Variants in PLEKHM1 observed in about 807,000 individuals in gnomAD.
PLEKHM1 encodes the protein pleckstrin homology domain-containing family M member 1.
A neutral mutation model predicts 94.3 loss-of-function variants in PLEKHM1; 28 were observed. The observed-to-expected ratio is 0.30, with a 90% CI of 0.22 to 0.41. The LOEUF (loss-of-function observed/expected upper bound fraction) is 0.41, where lower values mean the gene tolerates loss of function less well. Ranked by LOEUF, PLEKHM1 falls within the 10% of genes least tolerant of loss-of-function variation. The pLI, the probability that PLEKHM1 is intolerant of heterozygous loss-of-function variation, is 1.00. For missense variants in PLEKHM1, 907 were observed against 1,358.6 expected (o/e 0.67, Z 5.22); for synonymous variants, 424 against 581.2 (o/e 0.73, Z 3.89).
At chr17:45,454,753 C>A (rs536128244) in intron 6 of PLEKHM1, 55 of 260,038 alleles carry the variant, frequency 2.1e-4, no homozygotes, top group African/African-American at 1.2e-3. Context: ...TTTAGAAACA[C>A]CTCTCGTCTC....
At chr17:45,454,511 A>G in intron 6 of PLEKHM1, 1 of 616,688 alleles carries the variant, frequency 1.6e-6, no homozygotes, top group Non-Finnish European at 2.9e-6. Context: ...GAGCACCCAA[A>G]AGATCCCCTC....
Position 45,445,071 on chromosome 17 carries a change from A to G in PLEKHM1, c.2837+399T>C, listed in dbSNP as rs71373565. On this transcript the variant is annotated intron_variant, in intron 9 of 11. Transcript: ENST00000430334. The surrounding 1 kb of genome is among the most constrained non-coding windows in gnomAD (Gnocchi z 4.2). ...TGTCCTGCTCATTGTTGGAGCCTAC[A>G]TGCCTCGCCAGGTGTGCAGTGCTTA... is the stretch of plus-strand genomic sequence containing the variant. 2.6e-5 allele frequency among the ~76,000 whole-genome samples: 4 copies of G among 152,232 alleles called. No individual in the cohort carries two copies. The highest frequency in any genetic ancestry group is 9.6e-5 in the African/African-American group (4 of 41,466).
In PLEKHM1 at chr17:45,450,755, G is replaced by A. The variant is rs769633602; in HGVS notation, c.2506C>T (p.Arg836Trp). ...CGTACAAAGGAGAAGCCGATCTGCC[G>A]GGAGCAGCCTGGGGAGATGGGTGGA... ...SQGCFCAGCSRQIGFSFVRPK... is the reference protein window; with the variant it reads ...SQGCFCAGCSWQIGFSFVRPK... The change falls in exon 8 of 12, where the codon CGG (arginine) becomes TGG (tryptophan). Residue 836 changes from arginine to tryptophan, a missense_variant. By Grantham distance (101) the Arg-to-Trp change is moderately radical. This residue lies in a region of PLEKHM1 where 254 missense variants were observed against 451.1 expected (regional missense o/e 0.56). Transcript: ENST00000430334. 6.4e-6 allele frequency: 10 copies of A among 1,551,166 alleles called. No individual in the cohort carries two copies. The highest frequency in any genetic ancestry group is 4.6e-5 in the East Asian group (2 of 43,352).
chr17:45,487,257 T>A (rs1281869089), intron 1 of PLEKHM1, among the ~76,000 whole-genome samples: 1 of 152,104 alleles, frequency 6.6e-6, no homozygotes, highest in African/African-American at 2.4e-5. Context: ...CTAACCTCAT[T>A]TAATTCTCAC....
At chr17:45,483,866 C>G (rs549677285) in intron 1 of PLEKHM1, among the ~76,000 whole-genome samples, 37 of 152,298 alleles carry the variant, frequency 2.4e-4, no homozygotes, top group Middle Eastern at 3.4e-3. Flanking sequence ...CCTAGGAAAA[C>G]CCGATTCCTG....
At chr17:45,462,936 G>T (rs2051196833) in intron 5 of PLEKHM1, among the ~76,000 whole-genome samples, 1 of 151,674 alleles carries the variant, frequency 6.6e-6, no homozygotes. Context: ...ACAAAAATTA[G>T]CTGGGCATGG....
intron 1 of PLEKHM1, among the ~76,000 whole-genome samples, chr17:45,482,914 AC>A (rs2052001397): frequency 6.6e-6 from 1 of 151,482 alleles, no homozygotes; most frequent in South Asian, 2.1e-4. Context: ...GGTGGCAGGA[AC>A]CCAATGGGAC....
chr17:45,475,152 C>T lies in PLEKHM1; in HGVS notation c.871G>A (p.Asp291Asn). The change falls in exon 4 of 12, where the codon GAC becomes AAC. Residue 291 changes from aspartate (D) to asparagine (N), a missense_variant. By Grantham distance (23) the Asp-to-Asn change is conservative. This residue lies in a region of PLEKHM1 where 477 missense variants were observed against 601.5 expected (regional missense o/e 0.79). Coordinates refer to ENST00000430334, the MANE Select transcript of PLEKHM1 (RefSeq NM_014798.3). Reference protein sequence around the residue: ...PDHCEEPMSCDSDLGTANAED... With the variant: ...PDHCEEPMSCNSDLGTANAED... ...GCATTTGCTGTGCCCAGGTCTGAGT[C>T]ACAGGACATGGGCTCCTCGCAATGG... The T allele has an allele frequency of 5.0e-6, 8 of 1,613,988 alleles. No homozygotes were observed. The highest frequency in any genetic ancestry group is 1.1e-5 in the South Asian group (1 of 91,080).
rs138951599 is a variant in PLEKHM1 at position 45,475,269 on chromosome 17, G to C, written c.754C>G (p.Leu252Val). Residue 252 changes from leucine to valine, a missense_variant, in exon 4 of 12, where the codon CTC becomes GTC. Coordinates refer to ENST00000430334, the MANE Select transcript of PLEKHM1 (RefSeq NM_014798.3). ...GATGAACTGGCCGTGTCCAGGCTGA[G>C]GGAGGAGGCAGTCAGCTTCTGGTTC... Reference protein sequence around the residue: ...RRNQKLTASSLSLDTASSSQL... With the variant: ...RRNQKLTASSVSLDTASSSQL... 8.8e-5 allele frequency: 142 copies of C among 1,613,894 alleles called. No homozygotes were observed. The highest frequency in any genetic ancestry group is 1.1e-4 in the Non-Finnish European group (131 of 1,179,888).
rs1567754202 is a variant in PLEKHM1, at chr17:45,436,584, A to C, written c.*1274T>G. ...TGCTAGGTCCAGGAGAGGTGGGGGAAGGCGACAGAGAGACCAGCAAACCCA... is the reference window on the plus strand; with the variant it reads ...TGCTAGGTCCAGGAGAGGTGGGGGACGGCGACAGAGAGACCAGCAAACCCA... On this transcript the variant is annotated 3_prime_UTR_variant, in exon 12 of 12. Coordinates refer to ENST00000430334, the MANE Select transcript of PLEKHM1 (RefSeq NM_014798.3). 6.6e-6 allele frequency: 3 copies of C among 453,034 alleles called. No individual in the cohort carries two copies. The highest frequency in any genetic ancestry group is 1.4e-3 in the Middle Eastern group (2 of 1,438). The allele number at this position is 453,034 out of a possible 1,614,324, so 28.1% of individuals were successfully genotyped here. A position where few individuals can be genotyped will look rare whatever the true frequency, so the allele number is the denominator to read the frequency against.
chr17:45,478,176 T>A, intron 2 of PLEKHM1, 29 bp from the exon 3 acceptor site: 1 of 1,614,050 alleles, frequency 6.2e-7, no homozygotes, highest in South Asian at 1.1e-5. Flanking sequence ...AACACAGGCC[T>A]TTAGCGGAAA....
chr17:45,453,229 C>T lies in PLEKHM1; in HGVS notation c.2497+126G>A. 1.3e-6 allele frequency: 1 copy of T among 748,488 alleles called. No homozygotes were observed. The highest frequency in any genetic ancestry group is 1.5e-5 in the South Asian group (1 of 67,056). The allele number at this position is 748,488 out of a possible 1,614,324, so 46.4% of individuals were successfully genotyped here. On this transcript the variant is annotated intron_variant, in intron 7 of 11. Coordinates refer to ENST00000430334, the MANE Select transcript of PLEKHM1 (RefSeq NM_014798.3). The surrounding 1 kb of genome is among the most constrained non-coding windows in gnomAD (Gnocchi z 4.1). ...GCTGTAGGGCAAGCCTGATCTGTGGCCTCATCCCTAGGGGAAGGATGGGGG... is the reference window on the plus strand; with the variant it reads ...GCTGTAGGGCAAGCCTGATCTGTGGTCTCATCCCTAGGGGAAGGATGGGGG...
At position 45,458,366 on chromosome 17, in the gene PLEKHM1, T is replaced by C. The variant is rs775539977; in HGVS notation, c.1382A>G (p.Asp461Gly). 1.2e-6 allele frequency: 2 copies of C among 1,613,908 alleles called. No homozygotes were observed. Among genetic ancestry groups the C allele is most frequent in the Non-Finnish European group, 1.7e-6 (2 of 1,179,808 alleles). Residue 461 changes from aspartate (D) to glycine (G), a missense_variant, in exon 6 of 12, where the codon GAC (aspartate) becomes GGC (glycine). Asp to Gly is a moderately conservative substitution (Grantham distance 94). Transcript: ENST00000430334. ...SREQPLESAS[D>G]HPIASYRGTP... ...CCCCCTGTAAGAAGCTATTGGGTGG[T>C]CTGAAGCACTCTCCAGGGGTTGCTC...
chr17:45,479,027 T>C (rs146154320), intron 2 of PLEKHM1, among the ~76,000 whole-genome samples: 7 of 180 alleles, frequency 0.039, no homozygotes, highest in African/African-American at 0.041. Context: ...TTTTTTTTTC[T>C]TTTTTTTTTT....
chr17:45,474,351 C>G (rs1280629928), intron 4 of PLEKHM1, among the ~76,000 whole-genome samples: 1 of 151,384 alleles, frequency 6.6e-6, no homozygotes, highest in African/African-American at 2.5e-5. Flanking sequence ...GCCACCGTGC[C>G]CAGCTGCAAA....
At chr17:45,469,958 A>T (rs753063790) in intron 4 of PLEKHM1, among the ~76,000 whole-genome samples, 20 of 152,230 alleles carry the variant, frequency 1.3e-4, no homozygotes, top group Non-Finnish European at 1.9e-4. Flanking sequence ...CTGTAATCCC[A>T]GCTACTCAGG....
chr17:45,478,883 C>T (rs1326597254), intron 2 of PLEKHM1, among the ~76,000 whole-genome samples: 4 of 152,154 alleles, frequency 2.6e-5, no homozygotes, highest in Non-Finnish European at 5.9e-5. Context: ...TCAGTCCTAG[C>T]TGCCAGTAAC....
rs2521717 is a variant in PLEKHM1, at chr17:45,437,045, G to A, written c.*813C>T. On this transcript the variant is annotated 3_prime_UTR_variant, in exon 12 of 12. Coordinates refer to ENST00000430334, the MANE Select transcript of PLEKHM1 (RefSeq NM_014798.3). This position sits in a 1 kb window ranked among gnomAD's most constrained non-coding sequence, Gnocchi z 4.0. Reference sequence around the variant, plus strand: ...GCAAGACGGCGACCCTCCATAAACCGAGGAGGGCTCAAAGTGCTGACAGTG... The same window carrying A: ...GCAAGACGGCGACCCTCCATAAACCAAGGAGGGCTCAAAGTGCTGACAGTG... 14 of 454,328 alleles carry A rather than the reference G, an allele frequency of 3.1e-5. No homozygotes were observed. Among genetic ancestry groups the A allele is most frequent in the Admixed American group, 9.4e-5 (4 of 42,558 alleles). The allele number at this position is 454,328 out of a possible 1,614,324, so 28.1% of individuals were successfully genotyped here. A position where few individuals can be genotyped will look rare whatever the true frequency, so the allele number is the denominator to read the frequency against.
At chr17:45,461,004 C>T (rs897675876) in intron 5 of PLEKHM1, among the ~76,000 whole-genome samples, 11 of 152,222 alleles carry the variant, frequency 7.2e-5, no homozygotes, top group African/African-American at 2.4e-4. Context: ...CCTGCCTCAG[C>T]CTCCTGAGTA....
Sources: allele counts gnomAD v4.1 joint callset (sites outside exome capture counted in the v4.1 genomes callset), GRCh38; gene constraint gnomAD v4.1.1; regional missense constraint gnomAD v4.1.1; non-coding constraint Gnocchi (gnomAD v3.1); transcripts MANE v1.5; gene names NCBI Gene and HGNC (gene_info 2026-07-23, HGNC 2026-07-21).